EPHB2: variants seen among roughly 807,000 people sequenced by gnomAD.
EPHB2 encodes ephrin type-B receptor 2.
A neutral mutation model predicts 96.4 loss-of-function variants in EPHB2; 18 were observed. The observed-to-expected ratio is 0.19, with a 90% CI of 0.13 to 0.28. EPHB2 has a LOEUF of 0.28. Among genes scored for constraint, EPHB2 ranks in the 10% least tolerant of loss-of-function variants. The pLI, the probability that EPHB2 is intolerant of heterozygous loss-of-function variation, is 1.00. For missense variants in EPHB2, 989 were observed against 1,355.4 expected (o/e 0.73, Z 4.25); for synonymous variants, 506 against 534.1 (o/e 0.95, Z 0.72).
intron 5 of EPHB2, among the ~76,000 whole-genome samples, chr1:22,877,048 C>T (rs1361853521): frequency 1.3e-5 from 2 of 152,214 alleles, no homozygotes; most frequent in Non-Finnish European, 2.9e-5. Flanking sequence ...CAGCGGGAAC[C>T]AGGCGGGGTT....
At chr1:22,805,440 C>T (rs761634012) in intron 3 of EPHB2, among the ~76,000 whole-genome samples, 57 of 152,272 alleles carry the variant, frequency 3.7e-4, no homozygotes, top group Non-Finnish European at 6.0e-4. Context: ...TCCAGACCTG[C>T]CACTCCCCTG....
intron 1 of EPHB2, among the ~76,000 whole-genome samples, chr1:22,737,624 G>A (rs1418118632): frequency 2.0e-5 from 3 of 152,060 alleles, no homozygotes; most frequent in African/African-American, 7.2e-5. Context: ...CTCAGCTCTT[G>A]ATTAACAATT....
chr1:22,767,199 T>C (rs1235424630), intron 1 of EPHB2, among the ~76,000 whole-genome samples: 1 of 152,154 alleles, frequency 6.6e-6, no homozygotes, highest in Non-Finnish European at 1.5e-5. Context: ...GGAAAGGGCA[T>C]CAGACACACT....
At chr1:22,796,327 G>T (rs1644766735) in intron 3 of EPHB2, among the ~76,000 whole-genome samples, 1 of 152,188 alleles carries the variant, frequency 6.6e-6, no homozygotes, top group East Asian at 1.9e-4. Context: ...GCCTGGGACT[G>T]CTGCTCTTGC....
intron 3 of EPHB2, chr1:22,835,620 T>A (rs1458521879): frequency 6.6e-6 from 1 of 152,236 alleles, no homozygotes; most frequent in Non-Finnish European, 1.5e-5. Context: ...CTCATGGGGT[T>A]GTGAGTGAAC....
Position 22,858,981 on chromosome 1 carries a change from C to CA in EPHB2, c.812-4049dup, listed in dbSNP as rs543542284. Among the ~76,000 whole-genome samples the CA allele has an allele frequency of 3.5e-3, 530 of 152,150 alleles. 1 individual carries two copies. Among genetic ancestry groups the CA allele is most frequent in the African/African-American group, 0.012 (510 of 41,522 alleles). On this transcript the variant is annotated intron_variant, in intron 3 of 15. Transcript: ENST00000374630. The surrounding 1 kb of genome is among the most constrained non-coding windows in gnomAD (Gnocchi z 7.7). Reference sequence around the variant, plus strand: ...AAGTAATTAAAATAGGCACTGTATACAAAAAAATTAGCCCGGCGTGGTGGT... The same window carrying CA: ...AAGTAATTAAAATAGGCACTGTATACAAAAAAAATTAGCCCGGCGTGGTGGT...
At chr1:22,856,214 A>G (rs925440593) in intron 3 of EPHB2, among the ~76,000 whole-genome samples, 7 of 152,214 alleles carry the variant, frequency 4.6e-5, no homozygotes, top group African/African-American at 1.2e-4. Flanking sequence ...CCTGATGCCA[A>G]TTAACAGCCC....
At chr1:22,786,261 A>C (rs1235000974) in intron 3 of EPHB2, among the ~76,000 whole-genome samples, 1 of 152,218 alleles carries the variant, frequency 6.6e-6, no homozygotes, top group Non-Finnish European at 1.5e-5. Flanking sequence ...TCCAGTACAC[A>C]GGAAGTGCTT....
chr1:22,721,887 A>T (rs1643475265), intron 1 of EPHB2, among the ~76,000 whole-genome samples: 1 of 151,604 alleles, frequency 6.6e-6, no homozygotes, highest in Non-Finnish European at 1.5e-5. Context: ...AAGTGCTGGG[A>T]TTACAGACAT....
chr1:22,785,000 CGAGTGG>C lies in EPHB2; in HGVS notation c.736_741del (p.Glu246_Trp247del). The C allele has an allele frequency of 6.2e-7, 1 of 1,614,022 alleles. No individual in the cohort carries two copies. The highest frequency in any genetic ancestry group is 8.5e-7 in the Non-Finnish European group (1 of 1,180,044). Reference sequence around the variant, plus strand: ...TCAAGCTCTACTGTAACGGGGACGGCGAGTGGCTGGTGCCCATCGGGCGCTGCATGT... The same window carrying C: ...TCAAGCTCTACTGTAACGGGGACGGCCTGGTGCCCATCGGGCGCTGCATGT... On this transcript the variant is annotated inframe_deletion, in exon 3 of 16. Coordinates refer to ENST00000374630, the MANE Select transcript of EPHB2 (RefSeq NM_017449.5). This position sits in a 1 kb window ranked among gnomAD's most constrained non-coding sequence, Gnocchi z 5.1.
chr1:22,842,051 G>T (rs1259356571), intron 3 of EPHB2, among the ~76,000 whole-genome samples: 2 of 152,136 alleles, frequency 1.3e-5, no homozygotes, highest in Non-Finnish European at 2.9e-5. Context: ...CATGCCTGGG[G>T]TTGGGTGAGG....
At chr1:22,796,391 G>C (rs1644767447) in intron 3 of EPHB2, among the ~76,000 whole-genome samples, 1 of 152,178 alleles carries the variant, frequency 6.6e-6, no homozygotes, top group Non-Finnish European at 1.5e-5. Flanking sequence ...TCTTCCCATG[G>C]GACCTGGTGG....
chr1:22,772,968 G>A (rs900984337), intron 1 of EPHB2, among the ~76,000 whole-genome samples: 8 of 152,162 alleles, frequency 5.3e-5, no homozygotes, highest in Non-Finnish European at 1.2e-4. Flanking sequence ...CCTTTTGGAA[G>A]TCCTTGATCT....
At chr1:22,734,766 T>C (rs1466023871) in intron 1 of EPHB2, among the ~76,000 whole-genome samples, 1 of 152,094 alleles carries the variant, frequency 6.6e-6, no homozygotes, top group African/African-American at 2.4e-5. Flanking sequence ...TTCTTTGGGG[T>C]CCTGAAGATC....
At chr1:22,829,342 T>C (rs1162273508) in intron 3 of EPHB2, among the ~76,000 whole-genome samples, 1 of 152,214 alleles carries the variant, frequency 6.6e-6, no homozygotes, top group Admixed American at 6.5e-5. Context: ...TCTCTCCTTT[T>C]GTTAATGTGT....
At chr1:22,866,551 G>A (rs925526871) in intron 5 of EPHB2, among the ~76,000 whole-genome samples, 1 of 152,080 alleles carries the variant, frequency 6.6e-6, no homozygotes, top group Non-Finnish European at 1.5e-5. Context: ...AACAAGAGCT[G>A]CTTCACCCAG....
At chr1:22,826,882 C>T (rs1570347928) in intron 3 of EPHB2, among the ~76,000 whole-genome samples, 1 of 152,232 alleles carries the variant, frequency 6.6e-6, no homozygotes, top group Admixed American at 6.5e-5. Flanking sequence ...ACTGTGTCCC[C>T]GTGGCCTGAC....
intron 7 of EPHB2, 100 bp from the exon 8 acceptor site, chr1:22,895,372 G>A (rs1639523493): frequency 1.8e-6 from 2 of 1,097,770 alleles, no homozygotes; most frequent in Non-Finnish European, 2.8e-6. Flanking sequence ...ACAGAGTCTA[G>A]GGATCCCAGG....
At chr1:22,889,887 C>T (rs758220825) in intron 6 of EPHB2, among the ~76,000 whole-genome samples, 7 of 152,218 alleles carry the variant, frequency 4.6e-5, no homozygotes, top group East Asian at 3.9e-4. Flanking sequence ...TTGCACGGGG[C>T]GTACTTATAC....
Sources: allele counts gnomAD v4.1 joint callset (sites outside exome capture counted in the v4.1 genomes callset), GRCh38; gene constraint gnomAD v4.1.1; non-coding constraint Gnocchi (gnomAD v3.1); transcripts MANE v1.5; gene names NCBI Gene and HGNC (gene_info 2026-07-23, HGNC 2026-07-21).